ERG: variants seen among roughly 807,000 people sequenced by gnomAD.
The protein encoded by ERG is ETS transcription factor ERG, also known as transcriptional regulator ERG.
ERG carries 9 observed loss-of-function variants against 55.3 expected under a neutral mutation model. The observed-to-expected ratio is 0.16, with a 90% CI of 0.10 to 0.28. ERG has a LOEUF of 0.28. ERG is among the 10% of genes least tolerant of loss of function. The probability of loss-of-function intolerance (pLI) is 1.00; values close to 1 mark genes in which losing one functional copy is unlikely to be tolerated. For synonymous variants in ERG, 223 were observed against 237.3 expected (o/e 0.94, Z 0.55); for missense variants, 434 against 631.6 (o/e 0.69, Z 3.35).
At chr21:38,548,727 G>A (rs762321437) in intron 2 of ERG, among the ~76,000 whole-genome samples, 34 of 146,318 alleles carry the variant, frequency 2.3e-4, no homozygotes, top group Non-Finnish European at 3.0e-4. Flanking sequence ...ACCTCCCAAA[G>A]TGCTGAGATT....
At chr21:38,371,526 A>G in the ERG span, among the ~76,000 whole-genome samples, 1 of 152,052 alleles carries the variant, frequency 6.6e-6, no homozygotes, top group South Asian at 2.1e-4. Context: ...TATAGACACT[A>G]TTATCAAGTT....
intron 3 of ERG, among the ~76,000 whole-genome samples, chr21:38,417,174 C>T (rs1448932503): frequency 2.6e-5 from 4 of 152,186 alleles, no homozygotes; most frequent in Non-Finnish European, 4.4e-5. Flanking sequence ...CACTTTCTAA[C>T]GGAATAGAAA....
chr21:38,547,473 A>C (rs2059795292), intron 2 of ERG, among the ~76,000 whole-genome samples: 1 of 152,200 alleles, frequency 6.6e-6, no homozygotes, highest in South Asian at 2.1e-4. Flanking sequence ...GCCTCTAAGG[A>C]GTCTCTCTGG....
chr21:38,439,865 T>G (rs1182826325), intron 2 of ERG, among the ~76,000 whole-genome samples: 1 of 152,242 alleles, frequency 6.6e-6, no homozygotes, highest in Non-Finnish European at 1.5e-5. Context: ...GGTTGGGAAC[T>G]AAGTCCTTCC....
intron 2 of ERG, among the ~76,000 whole-genome samples, chr21:38,505,160 A>C (rs1303381953): frequency 2.0e-5 from 3 of 152,216 alleles, no homozygotes; most frequent in African/African-American, 7.2e-5. Flanking sequence ...GAAGGCAAAA[A>C]ATCTTTGCCA....
At position 38,383,085 on chromosome 21, in the gene ERG, T is replaced by C; in HGVS notation, c.*318A>G. On this transcript the variant is annotated 3_prime_UTR_variant, in exon 10 of 10. Coordinates refer to ENST00000288319, the MANE Select transcript of ERG (RefSeq NM_182918.4). This position sits in a 1 kb window ranked among gnomAD's most constrained non-coding sequence, Gnocchi z 5.7. Reference sequence around the variant, plus strand: ...TGGGATTCCAAACTCTACTCTAAAGTTTATACATTTCTTAAGACCACTTTC... The same window carrying C: ...TGGGATTCCAAACTCTACTCTAAAGCTTATACATTTCTTAAGACCACTTTC... The C allele has an allele frequency of 8.9e-7, 1 of 1,120,908 alleles. No homozygotes were observed. Among genetic ancestry groups the C allele is most frequent in the Non-Finnish European group, 1.1e-6 (1 of 916,908 alleles). 69.4% of individuals were successfully genotyped at this position (1,120,908 alleles called of 1,614,324 possible). A position where few individuals can be genotyped will look rare whatever the true frequency, so the allele number is the denominator to read the frequency against.
intron 2 of ERG, among the ~76,000 whole-genome samples, chr21:38,537,934 T>A (rs1055059780): frequency 2.6e-5 from 4 of 152,152 alleles, no homozygotes; most frequent in Non-Finnish European, 5.9e-5. Context: ...AAACAAAATG[T>A]GATATACACA....
chr21:38,401,830 C>CG (rs1555893589), intron 5 of ERG, among the ~76,000 whole-genome samples: 1 of 152,168 alleles, frequency 6.6e-6, no homozygotes, highest in African/African-American at 2.4e-5. Context: ...CTGCTGTGAG[C>CG]GGGGGGCGAG....
intron 3 of ERG, among the ~76,000 whole-genome samples, chr21:38,404,183 A>G (rs1383884792): frequency 6.6e-6 from 1 of 152,206 alleles, no homozygotes; most frequent in Non-Finnish European, 1.5e-5. Context: ...TAATAATAAC[A>G]GTATTTATGC....
At chr21:38,544,048 A>G (rs2059772364) in intron 2 of ERG, among the ~76,000 whole-genome samples, 3 of 152,200 alleles carry the variant, frequency 2.0e-5, no homozygotes, top group African/African-American at 7.2e-5. Flanking sequence ...CCTGGGGAAC[A>G]CTATTGAATA....
At chr21:38,435,900 T>A (rs186302403) in intron 2 of ERG, among the ~76,000 whole-genome samples, 409 of 152,330 alleles carry the variant, frequency 2.7e-3, no homozygotes, top group African/African-American at 9.4e-3. Context: ...TTTTAATTTG[T>A]CTGAAAGACT....
chr21:38,621,264 C>A (rs748860837), intron 1 of ERG, among the ~76,000 whole-genome samples: 4 of 152,202 alleles, frequency 2.6e-5, no homozygotes, highest in Non-Finnish European at 5.9e-5. Flanking sequence ...TCCTTTCATG[C>A]AGCTCCACAT....
intron 1 of ERG, among the ~76,000 whole-genome samples, chr21:38,646,895 T>C (rs962127896): frequency 1.3e-5 from 2 of 152,164 alleles, no homozygotes; most frequent in Non-Finnish European, 2.9e-5. Context: ...ACCTGCACTG[T>C]TACATCCAAA....
chr21:38,591,282 C>T (rs2060099004), intron 1 of ERG, among the ~76,000 whole-genome samples: 1 of 152,164 alleles, frequency 6.6e-6, no homozygotes, highest in South Asian at 2.1e-4. Flanking sequence ...TCTTGCTGTC[C>T]TCTAAAAATG....
rs181464382 is a variant in ERG at position 38,415,435 on chromosome 21, C to T, written c.388+7975G>A. Among the ~76,000 whole-genome samples the T allele has an allele frequency of 2.0e-5, 3 of 152,304 alleles. No individual in the cohort carries two copies. In the South Asian group the frequency reaches 6.2e-4, roughly 32 times the overall value. Reference sequence around the variant, plus strand: ...AACCCAATGGTGGTTTCCTCAACCGCTATTCAGCTGATAACTTTAAAATAC... The same window carrying T: ...AACCCAATGGTGGTTTCCTCAACCGTTATTCAGCTGATAACTTTAAAATAC... On this transcript the variant is annotated intron_variant, in intron 3 of 9. Transcript: ENST00000288319.
At chr21:38,428,194 A>G (rs545440262) in intron 2 of ERG, among the ~76,000 whole-genome samples, 2 of 151,970 alleles carry the variant, frequency 1.3e-5, no homozygotes, top group Non-Finnish European at 2.9e-5. Context: ...AAAAAAACAA[A>G]AGAGAGAAAA....
At chr21:38,428,054 C>T (rs543327651) in intron 2 of ERG, among the ~76,000 whole-genome samples, 1 of 151,804 alleles carries the variant, frequency 6.6e-6, no homozygotes, top group South Asian at 2.1e-4. Context: ...ATGGTGTGCA[C>T]CTGTAGTCCC....
intron 2 of ERG, among the ~76,000 whole-genome samples, chr21:38,527,200 T>C (rs2059636042): frequency 6.6e-6 from 1 of 152,138 alleles, no homozygotes; most frequent in South Asian, 2.1e-4. Flanking sequence ...AATATTAGAC[T>C]GAAACAGTGA....
chr21:38,640,390 G>A (rs190357393), intron 1 of ERG, among the ~76,000 whole-genome samples: 1 of 152,300 alleles, frequency 6.6e-6, no homozygotes, highest in Non-Finnish European at 1.5e-5. Context: ...TACCTTAGGA[G>A]AAAATTGATA....
Sources: allele counts gnomAD v4.1 joint callset (sites outside exome capture counted in the v4.1 genomes callset), GRCh38; gene constraint gnomAD v4.1.1; non-coding constraint Gnocchi (gnomAD v3.1); transcripts MANE v1.5; gene names NCBI Gene and HGNC (gene_info 2026-07-23, HGNC 2026-07-21).